The following PALM2AKAP2 variants were observed in gnomAD, a reference collection of about 807,000 sequenced individuals.
PALM2AKAP2 encodes the protein PALM2 and AKAP2 fusion, also known as PALM2-AKAP2 fusion protein.
Under a neutral mutation model 71.5 loss-of-function variants are expected in PALM2AKAP2, and 37 were observed. The ratio of observed to expected loss-of-function variants is 0.52; its 90% CI spans 0.40 to 0.68. The LOEUF is 0.68. Among genes scored for constraint, PALM2AKAP2 ranks in the 30% least tolerant of loss-of-function variants. PALM2AKAP2 has a pLI of 0.00. For synonymous variants in PALM2AKAP2, 468 were observed against 478.8 expected, an observed-to-expected ratio of 0.98 and a Z score of 0.29; for missense variants, 1,224 against 1,191.8, an observed-to-expected ratio of 1.03 and a Z score of -0.40.
intron 6 of PALM2AKAP2, among the ~76,000 whole-genome samples, chr9:109,957,944 C>T (rs557834476): frequency 1.6e-4 from 25 of 152,288 alleles, no homozygotes; most frequent in Admixed American, 1.6e-3. Flanking sequence ...GAAAAACGGG[C>T]TTTGGATTCA....
chr9:110,119,605 T>C (rs567104179), intron 1 of PALM2AKAP2, among the ~76,000 whole-genome samples: 1 of 152,306 alleles, frequency 6.6e-6, no homozygotes, highest in East Asian at 1.9e-4. Context: ...CCTCTCTCAT[T>C]ACATGCTGAT....
chr9:109,943,098 G>A (rs779756853), intron 6 of PALM2AKAP2: 1 of 1,614,226 alleles, frequency 6.2e-7, no homozygotes, highest in South Asian at 1.1e-5. Context: ...CAGGGCCGGA[G>A]GCAAACTTGG....
chr9:110,057,423 T>G (rs896957100), intron 1 of PALM2AKAP2, among the ~76,000 whole-genome samples: 14 of 148,798 alleles, frequency 9.4e-5, no homozygotes, highest in African/African-American at 2.7e-4. Context: ...CGCTCTGCCA[T>G]GCTGGAGTGC....
At chr9:110,068,715 T>TAG (rs571883748) in intron 1 of PALM2AKAP2, among the ~76,000 whole-genome samples, 3 of 152,032 alleles carry the variant, frequency 2.0e-5, no homozygotes, top group Admixed American at 6.6e-5. Context: ...AATTATTTTG[T>TAG]AGAGAGAGAG....
At chr9:109,665,125 C>T (rs779049994) in intron 1 of PALM2AKAP2, among the ~76,000 whole-genome samples, 7 of 152,254 alleles carry the variant, frequency 4.6e-5, no homozygotes, top group South Asian at 2.1e-4. Flanking sequence ...GCGATGGGTT[C>T]GAACCTCCTC....
chr9:109,826,006 C>A (rs1354451563), intron 1 of PALM2AKAP2, among the ~76,000 whole-genome samples: 1 of 152,164 alleles, frequency 6.6e-6, no homozygotes, highest in Non-Finnish European at 1.5e-5. Context: ...AAATGTGGCA[C>A]ATATGCACAA....
At chr9:110,115,506 A>G (rs1209038766) in intron 1 of PALM2AKAP2, among the ~76,000 whole-genome samples, 1 of 152,088 alleles carries the variant, frequency 6.6e-6, no homozygotes, top group South Asian at 2.1e-4. Context: ...CAGTGTCCCC[A>G]GTGCCTGTCC....
chr9:110,084,580 G>C (rs941658350), intron 1 of PALM2AKAP2, among the ~76,000 whole-genome samples: 1 of 152,096 alleles, frequency 6.6e-6, no homozygotes, highest in Non-Finnish European at 1.5e-5. Flanking sequence ...TGTAGTATTT[G>C]TGTATAACCT....
intron 1 of PALM2AKAP2, among the ~76,000 whole-genome samples, chr9:109,691,762 G>A (rs1257119175): frequency 6.9e-6 from 1 of 145,732 alleles, no homozygotes; most frequent in East Asian, 2.0e-4. Flanking sequence ...TTCAAATACT[G>A]CCCATAGCGG....
At chr9:109,803,200 C>T (rs1197722189) in intron 1 of PALM2AKAP2, among the ~76,000 whole-genome samples, 1 of 152,160 alleles carries the variant, frequency 6.6e-6, no homozygotes, top group Non-Finnish European at 1.5e-5. Flanking sequence ...AACACAATAG[C>T]ATATCTTAGA....
intron 1 of PALM2AKAP2, among the ~76,000 whole-genome samples, chr9:110,084,524 C>T (rs1452800483): frequency 6.6e-6 from 1 of 152,114 alleles, no homozygotes. Context: ...GTTCCAGGAG[C>T]TTCCTCAGAT....
chr9:110,115,055 A>G (rs1835334418), intron 1 of PALM2AKAP2, among the ~76,000 whole-genome samples: 1 of 152,192 alleles, frequency 6.6e-6, no homozygotes, highest in African/African-American at 2.4e-5. Flanking sequence ...GAGAAATTCC[A>G]TGCTTTCCTT....
intron 1 of PALM2AKAP2, among the ~76,000 whole-genome samples, chr9:109,853,268 G>C (rs1829069316): frequency 9.5e-6 from 1 of 105,726 alleles, no homozygotes; most frequent in African/African-American, 3.3e-5. Context: ...CTTTTCACAA[G>C]TACTATTAGG....
intron 6 of PALM2AKAP2, among the ~76,000 whole-genome samples, chr9:110,005,564 G>A (rs962282540): frequency 3.9e-5 from 6 of 152,212 alleles, no homozygotes; most frequent in Non-Finnish European, 8.8e-5. Flanking sequence ...GTCAGACAGG[G>A]ACATTTAAGT....
intron 7 of PALM2AKAP2, among the ~76,000 whole-genome samples, chr9:110,041,790 T>G (rs1323011106): frequency 6.6e-6 from 1 of 152,258 alleles, no homozygotes; most frequent in Non-Finnish European, 1.5e-5. Context: ...TAAGGGCGAC[T>G]GTGTCCACCT....
chr9:109,836,245 G>C (rs1773708), intron 1 of PALM2AKAP2, among the ~76,000 whole-genome samples: 84,947 of 152,038 alleles, frequency 0.56, 23,818 homozygotes, highest in East Asian at 0.69. Context: ...CTGCAGCCTC[G>C]GCTGCTGATA....
At chr9:110,103,515 T>A (rs77749283) in intron 1 of PALM2AKAP2, among the ~76,000 whole-genome samples, 4,104 of 152,356 alleles carry the variant, frequency 0.027, 91 homozygotes, top group Non-Finnish European at 0.042. Flanking sequence ...TTCTTAGTGT[T>A]AATAGCCTGT....
chr9:110,131,490 T>C (rs1835733652), intron 1 of PALM2AKAP2, among the ~76,000 whole-genome samples: 1 of 152,196 alleles, frequency 6.6e-6, no homozygotes, highest in Admixed American at 6.5e-5. Flanking sequence ...TTCTGGACCT[T>C]CTTATCTTCA....
intron 1 of PALM2AKAP2, among the ~76,000 whole-genome samples, chr9:109,851,213 A>C (rs139684784): frequency 0.052 from 7,421 of 142,924 alleles, 257 homozygotes; most frequent in African/African-American, 0.098. Context: ...CAACAACAAA[A>C]AAAAAAAAAC....
Sources: allele counts gnomAD v4.1 joint callset (sites outside exome capture counted in the v4.1 genomes callset), GRCh38; gene constraint gnomAD v4.1.1; transcripts MANE v1.5; gene names NCBI Gene and HGNC (gene_info 2026-07-23, HGNC 2026-07-21).